IL1RAPL2: variants seen among roughly 807,000 people sequenced by gnomAD.
IL1RAPL2 encodes the protein interleukin 1 receptor accessory protein like 2, also known as X-linked interleukin-1 receptor accessory protein-like 2.
Under a neutral mutation model 44.1 loss-of-function variants are expected in IL1RAPL2, and 3 were observed. The observed-to-expected ratio is 0.07, with a 90% CI of 0.03 to 0.18. IL1RAPL2 has a LOEUF of 0.18. Among genes scored for constraint, IL1RAPL2 ranks in the 10% least tolerant of loss-of-function variants. The pLI is 1.00. For missense variants in IL1RAPL2, 391 were observed against 496.4 expected (o/e 0.79, Z 2.02); for synonymous variants, 181 against 178.8 (o/e 1.01, Z -0.10).
At chrX:105,557,509 T>C (rs1369980890) in intron 6 of IL1RAPL2, among the ~76,000 whole-genome samples, 2 of 111,951 alleles carry the variant, frequency 1.8e-5, no homozygotes, top group Admixed American at 9.5e-5. Flanking sequence ...TCTCCATTAA[T>C]TCAAAAATTA....
At chrX:104,716,879 C>T (rs757749094) in intron 2 of IL1RAPL2, among the ~76,000 whole-genome samples, 1 of 111,755 alleles carries the variant, frequency 8.9e-6, no homozygotes, top group Non-Finnish European at 1.9e-5. Context: ...CCTCAAAGAC[C>T]TAAAACAGAA....
intron 6 of IL1RAPL2, among the ~76,000 whole-genome samples, chrX:105,664,773 ACCT>A (rs753405927): frequency 9.0e-6 from 1 of 111,519 alleles, no homozygotes; most frequent in African/African-American, 3.3e-5. Flanking sequence ...ATGGAAGAAA[ACCT>A]CCTCAATAAA....
chrX:105,307,011 C>T (rs1255041599), intron 5 of IL1RAPL2, among the ~76,000 whole-genome samples: 6 of 110,720 alleles, frequency 5.4e-5, no homozygotes, highest in Admixed American at 1.9e-4. Context: ...CGGTGGCAGG[C>T]GTGCGTGCAC....
At chrX:105,404,884 A>G (rs150947105) in intron 5 of IL1RAPL2, among the ~76,000 whole-genome samples, 455 of 112,165 alleles carry the variant, frequency 4.1e-3, no homozygotes, top group African/African-American at 0.014. Context: ...TTTATTTGCT[A>G]CTACATAGAC....
intron 2 of IL1RAPL2, among the ~76,000 whole-genome samples, chrX:105,023,824 A>T (rs895300089): frequency 9.0e-6 from 1 of 111,504 alleles, no homozygotes; most frequent in Non-Finnish European, 1.9e-5. Context: ...CAACATAAGT[A>T]TATTATATTT....
rs1932868790 is a variant in IL1RAPL2 at position 104,799,033 on chromosome X, A to G, written c.82+140038A>G. Among the ~76,000 whole-genome samples the G allele has an allele frequency of 3.6e-5, 4 of 110,901 alleles. No individual in the cohort carries two copies. In the South Asian group the frequency reaches 1.5e-3, roughly 43 times the overall value. ...TGTTCTAAGTATTTTACATGGATCA[A>G]CTTATTTAATCCTCATGGCAACTCT... On this transcript the variant is annotated intron_variant, in intron 2 of 10. Coordinates refer to ENST00000372582, the MANE Select transcript of IL1RAPL2 (RefSeq NM_017416.2).
At chrX:104,900,528 ATTAT>A (rs1923783482) in intron 2 of IL1RAPL2, among the ~76,000 whole-genome samples, 1 of 111,256 alleles carries the variant, frequency 9.0e-6, no homozygotes, top group African/African-American at 3.3e-5. Flanking sequence ...TAAAACAACA[ATTAT>A]TTATTTTCAT....
intron 7 of IL1RAPL2, among the ~76,000 whole-genome samples, chrX:105,723,793 G>A (rs909799008): frequency 1.8e-5 from 2 of 110,860 alleles, no homozygotes; most frequent in African/African-American, 3.3e-5. Context: ...TTTTATAAGG[G>A]CACTAATCCC....
intron 2 of IL1RAPL2, among the ~76,000 whole-genome samples, chrX:104,856,142 C>A (rs1922359347): frequency 8.9e-6 from 1 of 111,759 alleles, no homozygotes; most frequent in Admixed American, 9.5e-5. Flanking sequence ...TGTTCCTCCA[C>A]CACATCATCA....
At chrX:104,901,232 A>G (rs1322092382) in intron 2 of IL1RAPL2, among the ~76,000 whole-genome samples, 2 of 54,960 alleles carry the variant, frequency 3.6e-5, no homozygotes, top group Non-Finnish European at 5.7e-5. Context: ...TTTTTTTGAG[A>G]CGGACTCTCG....
chrX:104,930,731 C>T (rs987766803), intron 2 of IL1RAPL2, among the ~76,000 whole-genome samples: 9 of 111,709 alleles, frequency 8.1e-5, no homozygotes, highest in Non-Finnish European at 1.7e-4. Context: ...TGAGAACTTA[C>T]GATGAGCCAG....
chrX:105,469,096 T>G lies in IL1RAPL2; in HGVS notation c.698-15217T>G, dbSNP rs1220035698. Among the ~76,000 whole-genome samples the G allele has an allele frequency of 9.9e-5, 11 of 111,554 alleles. No individual in the cohort carries two copies. In the East Asian group the frequency reaches 3.1e-3, roughly 32 times the overall value. ...TAGTCTGCATCACAGAAAGGTAGGG[T>G]CCAGAACAATAGAAGTATTGGTTTA... On this transcript the variant is annotated intron_variant, in intron 5 of 10. Transcript: ENST00000372582.
intron 2 of IL1RAPL2, among the ~76,000 whole-genome samples, chrX:104,877,096 A>C (rs750301890): frequency 9.0e-6 from 1 of 110,784 alleles, no homozygotes; most frequent in Non-Finnish European, 1.9e-5. Flanking sequence ...TCCATGGTGT[A>C]TATGTGCCAC....
At chrX:105,739,616 G>A (rs1370649993) in intron 7 of IL1RAPL2, among the ~76,000 whole-genome samples, 1 of 104,585 alleles carries the variant, frequency 9.6e-6, no homozygotes, top group African/African-American at 3.5e-5. Flanking sequence ...TTTTGTTCTT[G>A]CAATAGTTTA....
intron 2 of IL1RAPL2, among the ~76,000 whole-genome samples, chrX:105,025,967 G>A (rs1012090203): frequency 2.7e-5 from 3 of 110,935 alleles, no homozygotes; most frequent in African/African-American, 9.8e-5. Flanking sequence ...GGAACTAATT[G>A]ATTTTCCCAT....
intron 5 of IL1RAPL2, among the ~76,000 whole-genome samples, chrX:105,472,911 T>C (rs1485240195): frequency 8.9e-6 from 1 of 112,040 alleles, no homozygotes; most frequent in Non-Finnish European, 1.9e-5. Context: ...CTTGAATGAT[T>C]CTGGGGGAAG....
chrX:105,429,840 C>T (rs1202800995), intron 5 of IL1RAPL2, among the ~76,000 whole-genome samples: 1 of 111,378 alleles, frequency 9.0e-6, no homozygotes, highest in Non-Finnish European at 1.9e-5. Flanking sequence ...AGATAGCATA[C>T]TTTTCAGAAC....
At chrX:104,571,489 G>T (rs1457070557) in intron 1 of IL1RAPL2, among the ~76,000 whole-genome samples, 1 of 111,304 alleles carries the variant, frequency 9.0e-6, no homozygotes, top group Non-Finnish European at 1.9e-5. Context: ...CATGGGGATG[G>T]TTTCCCCACT....
intron 2 of IL1RAPL2, among the ~76,000 whole-genome samples, chrX:104,723,452 A>G (rs1396364618): frequency 9.0e-6 from 1 of 110,501 alleles, no homozygotes; most frequent in Admixed American, 9.7e-5. Context: ...TGTAACTGCC[A>G]GGGGTGGGGT....
Sources: allele counts gnomAD v4.1 joint callset (sites outside exome capture counted in the v4.1 genomes callset), GRCh38; gene constraint gnomAD v4.1.1; transcripts MANE v1.5; gene names NCBI Gene and HGNC (gene_info 2026-07-23, HGNC 2026-07-21).